The following SLC12A6 variants were observed in gnomAD, a reference collection of about 807,000 sequenced individuals.
The protein encoded by SLC12A6 is K-Cl cotransporter 3.
SLC12A6 carries 66 observed loss-of-function variants against 135.3 expected under a neutral mutation model. That is an observed-to-expected ratio of 0.49 (90% CI 0.40 to 0.60). SLC12A6 has a LOEUF of 0.60. Ranked by LOEUF, SLC12A6 falls within the 20% of genes least tolerant of loss-of-function variation. The probability of loss-of-function intolerance (pLI) is 0.00; values close to 1 mark genes in which losing one functional copy is unlikely to be tolerated. For synonymous variants in SLC12A6, 513 were observed against 508.8 expected (o/e 1.01, Z -0.11); for missense variants, 1,058 against 1,452.3 (o/e 0.73, Z 4.41).
intron 10 of SLC12A6, among the ~76,000 whole-genome samples, chr15:34,251,536 G>A (rs146305750): frequency 2.0e-4 from 30 of 152,088 alleles, no homozygotes; most frequent in East Asian, 1.2e-3. Flanking sequence ...CATAACCCAC[G>A]GCGCCCAGCT....
At chr15:34,280,013 T>C (rs567760635) in intron 2 of SLC12A6, among the ~76,000 whole-genome samples, 2 of 152,352 alleles carry the variant, frequency 1.3e-5, no homozygotes, top group South Asian at 4.1e-4. Context: ...CCTGGGAGAA[T>C]GGAGACAGAG....
At chr15:34,282,571 A>G (rs1566837110) in intron 2 of SLC12A6, among the ~76,000 whole-genome samples, 1 of 151,866 alleles carries the variant, frequency 6.6e-6, no homozygotes, top group Non-Finnish European at 1.5e-5. Flanking sequence ...TGGGCAACAT[A>G]GCAAGACCCC....
chr15:34,276,925 T>C (rs887203652), intron 2 of SLC12A6, among the ~76,000 whole-genome samples: 5 of 152,214 alleles, frequency 3.3e-5, no homozygotes, highest in African/African-American at 1.2e-4. Flanking sequence ...CACTATATAT[T>C]TTAATTAAGG....
intron 2 of SLC12A6, among the ~76,000 whole-genome samples, chr15:34,286,179 TTCTCCTG>T (rs1895066028): frequency 6.6e-6 from 1 of 151,894 alleles, no homozygotes; most frequent in Non-Finnish European, 1.5e-5. Context: ...GTTCAAGCAA[TTCTCCTG>T]ACTCAGCCTC....
intron 2 of SLC12A6, among the ~76,000 whole-genome samples, chr15:34,292,244 A>C (rs347813): frequency 0.39 from 58,596 of 151,922 alleles, 14,327 homozygotes; most frequent in African/African-American, 0.71. Context: ...CAGACAGGCC[A>C]CTCAGCTGCA....
intron 2 of SLC12A6, among the ~76,000 whole-genome samples, chr15:34,309,568 T>C (rs1368274990): frequency 6.6e-6 from 1 of 152,070 alleles, no homozygotes; most frequent in Non-Finnish European, 1.5e-5. Context: ...AAATAAGAAA[T>C]CAAAGTGTCT....
At chr15:34,272,206 C>T (rs948123436) in intron 3 of SLC12A6, among the ~76,000 whole-genome samples, 2 of 152,100 alleles carry the variant, frequency 1.3e-5, no homozygotes, top group Non-Finnish European at 2.9e-5. Flanking sequence ...CCTGACCTTG[C>T]GATCCACTTG....
intron 9 of SLC12A6, 25 bp from the exon 10 acceptor site, chr15:34,252,409 A>T (rs761887544): frequency 7.4e-7 from 1 of 1,346,932 alleles, no homozygotes; most frequent in Non-Finnish European, 1.1e-6. Flanking sequence ...ATAGGGAGAA[A>T]GATCAAGTAA....
chr15:34,275,755 A>G (rs1330208593), intron 2 of SLC12A6, among the ~76,000 whole-genome samples: 1 of 152,234 alleles, frequency 6.6e-6, no homozygotes, highest in East Asian at 1.9e-4. Context: ...ATACACATAC[A>G]ATGGAAAATT....
chr15:34,299,033 A>G (rs375670941), intron 2 of SLC12A6, among the ~76,000 whole-genome samples: 1 of 152,198 alleles, frequency 6.6e-6, no homozygotes, highest in South Asian at 2.1e-4. Flanking sequence ...CATTTTGTGA[A>G]GATCATTTTC....
chr15:34,321,365 T>C (rs1447297643), intron 2 of SLC12A6, among the ~76,000 whole-genome samples: 1 of 152,220 alleles, frequency 6.6e-6, no homozygotes, highest in African/African-American at 2.4e-5. Flanking sequence ...AGGTGTGTGA[T>C]GTGCATGGAG....
intron 2 of SLC12A6, among the ~76,000 whole-genome samples, chr15:34,290,620 G>A (rs1895450400): frequency 6.6e-6 from 1 of 152,138 alleles, no homozygotes; most frequent in African/African-American, 2.4e-5. Flanking sequence ...AAGTCTCTTT[G>A]TAGGTCTCTA....
chr15:34,252,700 A>G (rs993480958), intron 9 of SLC12A6, among the ~76,000 whole-genome samples: 1 of 152,192 alleles, frequency 6.6e-6, no homozygotes, highest in Non-Finnish European at 1.5e-5. Flanking sequence ...GTCCAAGGTC[A>G]TAGGTGGTGG....
chr15:34,275,260 G>C, intron 3 of SLC12A6, 85 bp downstream of exon 3: 1 of 734,658 alleles, frequency 1.4e-6, no homozygotes, highest in Non-Finnish European at 2.5e-6. Flanking sequence ...ATAGAAAATA[G>C]AATCAGAGAA....
chr15:34,268,210 A>G (rs1403045539), intron 3 of SLC12A6, among the ~76,000 whole-genome samples: 1 of 152,158 alleles, frequency 6.6e-6, no homozygotes, highest in Non-Finnish European at 1.5e-5. Context: ...GCCACCTCCT[A>G]GCAGCTCTGG....
rs1260818210 is a variant in SLC12A6, at chr15:34,244,051, G to A, written c.1965C>T (p.Leu655=). 1.9e-6 allele frequency: 3 copies of A among 1,601,058 alleles called. No individual in the cohort carries two copies. In the South Asian group the frequency reaches 3.3e-5, roughly 18 times the overall value. Residue 655 remains leucine (L), a synonymous_variant, in exon 16 of 26, where the codon CTC becomes CTT. Transcript: ENST00000354181. ...ILSMFFLMCY[L]FVNLACALQT... is the part of the protein sequence containing the mutation. Reference sequence around the variant, plus strand: ...GCAAGGCACATGCCAAGTTTACAAAGAGGTAACACATGAGAAAAAACCTGA... The same window carrying A: ...GCAAGGCACATGCCAAGTTTACAAAAAGGTAACACATGAGAAAAAACCTGA...
chr15:34,298,049 A>G (rs943234218), intron 2 of SLC12A6, among the ~76,000 whole-genome samples: 5 of 152,208 alleles, frequency 3.3e-5, no homozygotes, highest in African/African-American at 1.2e-4. Flanking sequence ...AATGCCTACT[A>G]TATGTCAGGT....
At chr15:34,259,716 A>C (rs1271804729) in intron 4 of SLC12A6, among the ~76,000 whole-genome samples, 1 of 152,232 alleles carries the variant, frequency 6.6e-6, no homozygotes, top group Non-Finnish European at 1.5e-5. Flanking sequence ...GTAGTGCTGA[A>C]ATAAACCAGG....
chr15:34,250,801 T>G lies in SLC12A6; in HGVS notation c.1493-72A>C, dbSNP rs141939614. The G allele has an allele frequency of 2.9e-6, 4 of 1,378,318 alleles. No individual in the cohort carries two copies. In the East Asian group the frequency reaches 9.2e-5, roughly 32 times the overall value. The allele number at this position is 1,378,318 out of a possible 1,614,324, so 85.4% of individuals were successfully genotyped here. ...TGATATTGATACTGATAGCAAAGAG[T>G]AGAAGCAAATCTAGGAACCCTGAGA... On this transcript the variant is annotated intron_variant, in intron 11 of 25. Transcript: ENST00000354181.
Sources: gnomAD v4.1 joint callset for allele counts (sites outside exome capture counted in the v4.1 genomes callset) on GRCh38, gnomAD v4.1.1 for gene constraint, MANE v1.5 for transcripts, NCBI Gene and HGNC (gene_info 2026-07-23, HGNC 2026-07-21) for gene names.